Variants in IMMP2L observed in about 807,000 individuals in gnomAD.
IMMP2L encodes inner mitochondrial membrane peptidase subunit 2, also known as mitochondrial inner membrane protease subunit 2.
A neutral mutation model predicts 19.3 loss-of-function variants in IMMP2L; 18 were observed. The ratio of observed to expected loss-of-function variants is 0.93; its 90% CI spans 0.64 to 1.38. The LOEUF (loss-of-function observed/expected upper bound fraction) is 1.38. Ranked by LOEUF, IMMP2L falls within the 40% of genes most tolerant of loss-of-function variation. The probability of loss-of-function intolerance (pLI) is 0.00; values close to 1 mark genes in which losing one functional copy is unlikely to be tolerated. For missense variants in IMMP2L, 233 were observed against 218.2 expected (o/e 1.07, Z -0.43); for synonymous variants, 76 against 73.0 (o/e 1.04, Z -0.21).
chr7:111,258,065 A>C (rs897033217), intron 3 of IMMP2L, among the ~76,000 whole-genome samples: 1 of 152,096 alleles, frequency 6.6e-6, no homozygotes, highest in African/African-American at 2.4e-5. Flanking sequence ...TTGATTTAAT[A>C]ATTAAGCAAG....
intron 5 of IMMP2L, among the ~76,000 whole-genome samples, chr7:110,744,227 A>G (rs1228949428): frequency 1.3e-5 from 2 of 152,204 alleles, no homozygotes; most frequent in Admixed American, 6.5e-5. Flanking sequence ...GAATCTCTGA[A>G]AAAAAGGCAG....
intron 3 of IMMP2L, among the ~76,000 whole-genome samples, chr7:111,051,502 T>G (rs1793003982): frequency 6.6e-6 from 1 of 152,186 alleles, no homozygotes; most frequent in African/African-American, 2.4e-5. Context: ...TTCAAAGCCT[T>G]TTGATAAAAA....
At chr7:110,942,691 C>T (rs1563099108) in intron 4 of IMMP2L, among the ~76,000 whole-genome samples, 1 of 151,740 alleles carries the variant, frequency 6.6e-6, no homozygotes, top group East Asian at 1.9e-4. Context: ...CCAAAACCAA[C>T]ATTTGGCATG....
At chr7:111,000,071 T>G (rs1432911393) in intron 3 of IMMP2L, among the ~76,000 whole-genome samples, 2 of 152,128 alleles carry the variant, frequency 1.3e-5, no homozygotes, top group Non-Finnish European at 1.5e-5. Context: ...GCCATTTTGT[T>G]GTTGTGGTTG....
At chr7:110,787,049 A>G (rs942398609) in intron 5 of IMMP2L, among the ~76,000 whole-genome samples, 16 of 152,038 alleles carry the variant, frequency 1.1e-4, no homozygotes, top group Non-Finnish European at 1.8e-4. Flanking sequence ...AAGAAAAAAA[A>G]TACAATTTTA....
chr7:111,135,444 G>C (rs1166793128), intron 3 of IMMP2L, among the ~76,000 whole-genome samples: 1 of 152,106 alleles, frequency 6.6e-6, no homozygotes, highest in Non-Finnish European at 1.5e-5. Flanking sequence ...AGTGAGCACT[G>C]TGACAGAGCT....
chr7:110,880,018 A>G (rs946710146), intron 5 of IMMP2L, among the ~76,000 whole-genome samples: 1 of 152,146 alleles, frequency 6.6e-6, no homozygotes, highest in African/African-American at 2.4e-5. Flanking sequence ...TCATATTACA[A>G]AAATAACTTC....
rs146746392 is a variant in IMMP2L, at chr7:110,988,669, G to A, written c.240-25104C>T. On this transcript the variant is annotated intron_variant, in intron 3 of 5. Transcript: ENST00000405709. ...ATATACATGCCCAGATTCTATTTGC[G>A]TGTGCCATTAAAAAATAAAAGGAAC... Among the ~76,000 whole-genome samples, 679 of 152,102 alleles carry A rather than the reference G, an allele frequency of 4.5e-3. 7 individuals carry two copies. The highest frequency in any genetic ancestry group is 0.015 in the African/African-American group (636 of 41,474).
At chr7:110,819,609 C>T (rs1429883944) in intron 5 of IMMP2L, among the ~76,000 whole-genome samples, 2 of 152,004 alleles carry the variant, frequency 1.3e-5, no homozygotes. Context: ...TTGTTAGGTA[C>T]TCACTATGAA....
chr7:111,016,858 T>C (rs1394641446), intron 3 of IMMP2L, among the ~76,000 whole-genome samples: 7 of 88,636 alleles, frequency 7.9e-5, no homozygotes, highest in African/African-American at 3.3e-4. Context: ...ATATATATTA[T>C]ATAATATATT....
intron 3 of IMMP2L, among the ~76,000 whole-genome samples, chr7:110,982,205 A>T (rs1251740924): frequency 6.6e-6 from 1 of 152,140 alleles, no homozygotes; most frequent in Non-Finnish European, 1.5e-5. Context: ...CAAAAACAAC[A>T]TAGATACCTT....
At chr7:110,767,170 G>A (rs779170678) in intron 5 of IMMP2L, among the ~76,000 whole-genome samples, 2 of 152,006 alleles carry the variant, frequency 1.3e-5, no homozygotes, top group Non-Finnish European at 2.9e-5. Context: ...AAGCCATATT[G>A]TTGTTGCTTA....
At chr7:111,082,728 G>GC (rs1005241842) in intron 3 of IMMP2L, among the ~76,000 whole-genome samples, 2 of 151,982 alleles carry the variant, frequency 1.3e-5, no homozygotes, top group Non-Finnish European at 2.9e-5. Flanking sequence ...AATATTCATT[G>GC]CATTTCTAAT....
chr7:111,396,681 A>G (rs1832898576), intron 3 of IMMP2L, among the ~76,000 whole-genome samples: 1 of 152,190 alleles, frequency 6.6e-6, no homozygotes, highest in African/African-American at 2.4e-5. Flanking sequence ...ATGAAAAAGA[A>G]TAGATAAATA....
chr7:111,149,823 T>A (rs1214580150), intron 3 of IMMP2L, among the ~76,000 whole-genome samples: 1 of 152,160 alleles, frequency 6.6e-6, no homozygotes, highest in Non-Finnish European at 1.5e-5. Flanking sequence ...CAATGATGTA[T>A]ATGAAAAAGT....
chr7:111,494,882 T>C (rs1309049671), intron 2 of IMMP2L, among the ~76,000 whole-genome samples: 1 of 152,178 alleles, frequency 6.6e-6, no homozygotes, highest in East Asian at 1.9e-4. Context: ...TGCACATTTC[T>C]CATTTTACAT....
At chr7:111,016,135 A>G (rs1321600208) in intron 3 of IMMP2L, among the ~76,000 whole-genome samples, 1 of 152,010 alleles carries the variant, frequency 6.6e-6, no homozygotes, top group Non-Finnish European at 1.5e-5. Context: ...AACTATATGT[A>G]TCAGCCAGCT....
At chr7:111,542,127 T>C (rs1232576949) in intron 1 of IMMP2L, among the ~76,000 whole-genome samples, 2 of 152,112 alleles carry the variant, frequency 1.3e-5, no homozygotes, top group Non-Finnish European at 2.9e-5. Flanking sequence ...ATTTGGCTAA[T>C]GGTATAGTAA....
chr7:111,322,633 T>C (rs1351992686), intron 3 of IMMP2L, among the ~76,000 whole-genome samples: 1 of 151,584 alleles, frequency 6.6e-6, no homozygotes. Flanking sequence ...ATATTAGTAA[T>C]ATTAATACTA....
Sources: gnomAD v4.1 joint callset for allele counts (sites outside exome capture counted in the v4.1 genomes callset) on GRCh38, gnomAD v4.1.1 for gene constraint, MANE v1.5 for transcripts, NCBI Gene and HGNC (gene_info 2026-07-23, HGNC 2026-07-21) for gene names.